Variants in PHRF1 observed in about 807,000 individuals in gnomAD.
PHRF1 encodes PHD and RING finger domain-containing protein 1.
PHRF1 carries 53 observed loss-of-function variants against 128.9 expected under a neutral mutation model. The ratio of observed to expected loss-of-function variants is 0.41; its 90% CI spans 0.33 to 0.52. The LOEUF (loss-of-function observed/expected upper bound fraction) is 0.52. Among genes scored for constraint, PHRF1 ranks in the 20% least tolerant of loss-of-function variants. The pLI is 0.21. For synonymous variants in PHRF1, 1,178 were observed against 980.6 expected (o/e 1.20, Z -3.76); for missense variants, 2,503 against 2,284.5 (o/e 1.10, Z -1.95).
rs560764213 is a variant in PHRF1 at position 609,470 on chromosome 11, A to G, written c.4014A>G (p.Pro1338=). The change falls in exon 14 of 18, where the codon CCA becomes CCG. Residue 1338 remains proline (P), a synonymous_variant. Coordinates refer to ENST00000264555, the MANE Select transcript of PHRF1 (RefSeq NM_001286581.2). ...ACCCTTCGCAGCCCCCACCCCTGCCAGAGGGCACCCAGGAGCCACATTTGC... is the reference window on the plus strand; with the variant it reads ...ACCCTTCGCAGCCCCCACCCCTGCCGGAGGGCACCCAGGAGCCACATTTGC... ...DEDPSQPPPL[P]EGTQEPHLLR... is the part of the protein sequence containing the mutation. The G allele has an allele frequency of 1.8e-4, 281 of 1,605,564 alleles. 5 individuals are homozygous for G. In the South Asian group the frequency reaches 2.7e-3, roughly 16 times the overall value.
rs562465351 is a variant in PHRF1, at chr11:603,476, C to G, written c.1153-1643C>G. ...TCAGCCTCTCAAGTAGCTGGGACCA[C>G]AGGCTCACGCCACCTCACCTAGCTA... On this transcript the variant is annotated intron_variant, in intron 10 of 17. Coordinates refer to ENST00000264555, the MANE Select transcript of PHRF1 (RefSeq NM_001286581.2). Among the ~76,000 whole-genome samples the G allele has an allele frequency of 3.3e-4, 50 of 152,216 alleles. No individual in the cohort carries two copies. The South Asian group carries it at 0.01, about 31-fold the overall frequency.
Position 605,682 on chromosome 11 carries a change from C to G in PHRF1, c.1412C>G (p.Ser471Cys). 1 of 1,613,298 alleles carries G rather than the reference C, an allele frequency of 6.2e-7. No individual in the cohort carries two copies. Among genetic ancestry groups the G allele is most frequent in the Non-Finnish European group, 8.5e-7 (1 of 1,179,870 alleles). The change falls in exon 12 of 18, where the codon TCC becomes TGC. Residue 471 changes from serine to cysteine, a missense_variant. Coordinates refer to ENST00000264555, the MANE Select transcript of PHRF1 (RefSeq NM_001286581.2). ...RRALSRSALQ[S>C]HQPVARPVSV... The stretch of plus-strand genomic sequence containing the variant: ...GCTCTGTCCCGGTCAGCCCTGCAGT[C>G]CCACCAGCCCGTGGCCAGGCCCGTC...
At chr11:584,951 T>G (rs1296451406) in intron 3 of PHRF1, among the ~76,000 whole-genome samples, 1 of 152,140 alleles carries the variant, frequency 6.6e-6, no homozygotes, top group East Asian at 1.9e-4. Flanking sequence ...TTGGCCAGGC[T>G]GGTCTTGAAC....
intron 5 of PHRF1, among the ~76,000 whole-genome samples, chr11:592,328 C>T (rs774330727): frequency 2.0e-5 from 3 of 152,146 alleles, no homozygotes; most frequent in Admixed American, 6.6e-5. Context: ...CGCTCCTTTC[C>T]GTGCATCATA....
intron 9 of PHRF1, 127 bp from the exon 10 acceptor site, chr11:601,445 AAT>A: frequency 4.5e-6 from 6 of 1,328,098 alleles, no homozygotes; most frequent in East Asian, 2.4e-5. Context: ...AAAAAAAAAA[AAT>A]TGCAAGCCGG....
At chr11:589,310 C>T (rs1023257106) in intron 4 of PHRF1, among the ~76,000 whole-genome samples, 1 of 152,190 alleles carries the variant, frequency 6.6e-6, no homozygotes, top group Admixed American at 6.5e-5. Context: ...GGCCCCTTCC[C>T]TTTCGAGACA....
chr11:599,423 G>T (rs1458909329), intron 9 of PHRF1, among the ~76,000 whole-genome samples: 4 of 151,596 alleles, frequency 2.6e-5, no homozygotes, highest in Non-Finnish European at 4.4e-5. Context: ...CCTAGTTTTT[G>T]TATTTTTAGT....
chr11:609,777 C>T (rs1051927530), intron 14 of PHRF1, 57 bp downstream of exon 14: 4 of 1,264,784 alleles, frequency 3.2e-6, no homozygotes, highest in African/African-American at 3.2e-5. Flanking sequence ...AAGGCCCTGG[C>T]CCCCGCCGAG....
Position 608,992 on chromosome 11 carries a change from G to A in PHRF1, c.3536G>A (p.Arg1179Gln), listed in dbSNP as rs553869044. 15 of 1,604,084 alleles carry A rather than the reference G, an allele frequency of 9.4e-6. No homozygotes were observed. Among genetic ancestry groups the A allele is most frequent in the African/African-American group, 8.0e-5 (6 of 74,780 alleles). The change falls in exon 14 of 18, where the codon CGG becomes CAG. Residue 1179 changes from arginine to glutamine, a missense_variant. Coordinates refer to ENST00000264555, the MANE Select transcript of PHRF1 (RefSeq NM_001286581.2). Reference sequence around the variant, plus strand: ...AGGGCACGGGAGCACAGGCGGCCTCGGTCCCGTGAGAAGTGGCCGCAGACC... The same window carrying A: ...AGGGCACGGGAGCACAGGCGGCCTCAGTCCCGTGAGAAGTGGCCGCAGACC... ...EHRAREHRRP[R>Q]SREKWPQTRS...
At chr11:581,856 C>A (rs1035062558) in intron 2 of PHRF1, 106 bp from the exon 3 acceptor site, 1 of 1,435,868 alleles carries the variant, frequency 7.0e-7, no homozygotes, top group Non-Finnish European at 9.2e-7. Context: ...AGCCGTTAGC[C>A]GTTTGGCAGG....
chr11:587,521 G>A, intron 4 of PHRF1, 57 bp downstream of exon 4: 1 of 1,558,572 alleles, frequency 6.4e-7, no homozygotes, highest in Non-Finnish European at 8.8e-7. Context: ...CCTGTTTATA[G>A]GTGACCCAGC....
rs766674678 is a variant in PHRF1, at chr11:605,105, G to A, written c.1153-14G>A. 1.3e-6 allele frequency: 2 copies of A among 1,597,656 alleles called. No individual in the cohort carries two copies. Among genetic ancestry groups the A allele is most frequent in the African/African-American group, 2.7e-5 (2 of 74,666 alleles). ...CGTCTCTCTGTTCATCTTTTTCTTTGTTACTGGATTCAGAGTGAAGCCACC... is the reference window on the plus strand; with the variant it reads ...CGTCTCTCTGTTCATCTTTTTCTTTATTACTGGATTCAGAGTGAAGCCACC... On this transcript the variant is annotated splice_polypyrimidine_tract_variant and intron_variant, in intron 10 of 17. Transcript: ENST00000264555.
In PHRF1 at chr11:609,467, G is replaced by A. The variant is rs368385785; in HGVS notation, c.4011G>A (p.Leu1337=). The A allele has an allele frequency of 7.5e-6, 12 of 1,605,276 alleles. No individual in the cohort carries two copies. The African/African-American group carries it at 1.3e-4, about 18-fold the overall frequency. The change falls in exon 14 of 18, where the codon CTG becomes CTA. Residue 1337 remains leucine, a synonymous_variant. Coordinates refer to ENST00000264555, the MANE Select transcript of PHRF1 (RefSeq NM_001286581.2). The part of the protein sequence containing the change: ...HDEDPSQPPP[L]PEGTQEPHLL... ...AAGACCCTTCGCAGCCCCCACCCCT[G>A]CCAGAGGGCACCCAGGAGCCACATT...
intron 10 of PHRF1, among the ~76,000 whole-genome samples, chr11:604,706 G>A (rs1855841147): frequency 6.6e-6 from 1 of 152,158 alleles, no homozygotes; most frequent in Non-Finnish European, 1.5e-5. Context: ...GTAGAGATGG[G>A]GTTTCACCAT....
At position 576,551 on chromosome 11, in the gene PHRF1, C is replaced by CGGCGAGCGCT. The variant is rs1214400795; in HGVS notation, c.-62_-53dup. 6.6e-6 allele frequency: 1 copy of CGGCGAGCGCT among 152,212 alleles called. No homozygotes were observed. Among genetic ancestry groups the CGGCGAGCGCT allele is most frequent in the Non-Finnish European group, 1.5e-5 (1 of 67,900 alleles). 9.4% of individuals were successfully genotyped at this position (152,212 alleles called of 1,614,324 possible). A position where few individuals can be genotyped will look rare whatever the true frequency, so the allele number is the denominator to read the frequency against. ...GGAGCGACTCTCGGTCGTGCAGCGG[C>CGGCGAGCGCT]GGCGAGCGCTCGCGAGCGGCTGCGG... On this transcript the variant is annotated 5_prime_UTR_variant, in exon 1 of 18. Coordinates refer to ENST00000264555, the MANE Select transcript of PHRF1 (RefSeq NM_001286581.2).
intron 4 of PHRF1, among the ~76,000 whole-genome samples, chr11:589,251 C>A (rs561825835): frequency 6.6e-6 from 1 of 152,042 alleles, no homozygotes; most frequent in South Asian, 2.1e-4. Flanking sequence ...CATAAGGAGA[C>A]GTGTAAGACA....
rs770644662 is a variant in PHRF1, at chr11:607,935, A to G, written c.2479A>G (p.Ser827Gly). ...CATCAAGAAGACGAAGCAGCTGCGG[A>G]GCGAGGTCTACGACCCATCCGACCC... ...FSIKKTKQLR[S>G]EVYDPSDPTG... The change falls in exon 14 of 18, where the codon AGC becomes GGC. Residue 827 changes from serine (S) to glycine (G), a missense_variant. Transcript: ENST00000264555. 1.1e-5 allele frequency: 17 copies of G among 1,612,388 alleles called. No homozygotes were observed. The African/African-American group carries it at 1.3e-4, about 13-fold the overall frequency.
chr11:612,079 A>G lies in PHRF1; in HGVS notation c.*302A>G, dbSNP rs1439853645. On this transcript the variant is annotated 3_prime_UTR_variant, in exon 18 of 18. Transcript: ENST00000264555. ...TTAGAAACCTCTTGATTGACTTACT[A>G]CTTGGAAGATAAAGCACTTGGTGAT... 2 of 427,810 alleles carry G rather than the reference A, an allele frequency of 4.7e-6. No individual in the cohort carries two copies. The highest frequency in any genetic ancestry group is 8.3e-6 in the Non-Finnish European group (2 of 241,330). The allele number at this position is 427,810 out of a possible 1,614,324, so 26.5% of individuals were successfully genotyped here.
At position 608,546 on chromosome 11, in the gene PHRF1, G is replaced by A. The variant is rs780096436; in HGVS notation, c.3090G>A (p.Ser1030=). Residue 1030 remains serine, a synonymous_variant, in exon 14 of 18, where the codon TCG becomes TCA. Coordinates refer to ENST00000264555, the MANE Select transcript of PHRF1 (RefSeq NM_001286581.2). The stretch of plus-strand genomic sequence containing the variant: ...GCTCTGAATCCAGGGACAGGAGCTC[G>A]AGGTCAGCGTCACCATCAGTGGGTG... ...GTRSESRDRS[S]RSASPSVGEE... 8.1e-6 allele frequency: 13 copies of A among 1,612,188 alleles called. No individual in the cohort carries two copies. The highest frequency in any genetic ancestry group is 3.3e-5 in the Admixed American group (2 of 60,000).
Sources: allele counts gnomAD v4.1 joint callset (sites outside exome capture counted in the v4.1 genomes callset), GRCh38; gene constraint gnomAD v4.1.1; transcripts MANE v1.5; gene names NCBI Gene and HGNC (gene_info 2026-07-23, HGNC 2026-07-21).